The following TCF12 variants were observed in gnomAD, a reference collection of about 807,000 sequenced individuals.
TCF12 encodes transcription factor 12, also known as DNA-binding protein HTF4.
Under a neutral mutation model 86.0 loss-of-function variants are expected in TCF12, and 45 were observed. The ratio of observed to expected loss-of-function variants is 0.52; its 90% CI spans 0.41 to 0.67. The LOEUF (loss-of-function observed/expected upper bound fraction) is 0.67. Ranked by LOEUF, TCF12 falls within the 30% of genes least tolerant of loss-of-function variation. TCF12 has a pLI of 0.00. For missense variants in TCF12, 881 were observed against 859.9 expected (o/e 1.02, Z -0.31); for synonymous variants, 330 against 299.6 (o/e 1.10, Z -1.05).
chr15:57,128,466 C>A (rs2051845843), intron 5 of TCF12, among the ~76,000 whole-genome samples: 1 of 152,168 alleles, frequency 6.6e-6, no homozygotes, highest in Non-Finnish European at 1.5e-5. Flanking sequence ...ATTTAGAATT[C>A]AGTGGGGTTT....
At chr15:57,110,702 G>T (rs2050430051) in intron 5 of TCF12, among the ~76,000 whole-genome samples, 1 of 152,050 alleles carries the variant, frequency 6.6e-6, no homozygotes, top group African/African-American at 2.4e-5. Context: ...GGTTGCTTGG[G>T]CTGGCCCTAG....
chr15:57,128,841 GTGTTA>G (rs2051880776), intron 5 of TCF12, among the ~76,000 whole-genome samples: 2 of 152,158 alleles, frequency 1.3e-5, no homozygotes, highest in South Asian at 4.1e-4. Flanking sequence ...GGATTCATCT[GTGTTA>G]TGTTACATAA....
At chr15:56,922,866 T>A (rs2059851936) in intron 3 of TCF12, among the ~76,000 whole-genome samples, 1 of 151,978 alleles carries the variant, frequency 6.6e-6, no homozygotes, top group African/African-American at 2.4e-5. Flanking sequence ...GGCCAGTTCT[T>A]AAAGGGAATG....
chr15:56,989,705 TAGTAA>T (rs1479552550), intron 3 of TCF12, among the ~76,000 whole-genome samples: 1 of 152,174 alleles, frequency 6.6e-6, no homozygotes, highest in African/African-American at 2.4e-5. Context: ...GACCTTGACT[TAGTAA>T]AGTATAGTAC....
At chr15:57,068,683 G>A (rs2069113788) in intron 4 of TCF12, among the ~76,000 whole-genome samples, 1 of 152,110 alleles carries the variant, frequency 6.6e-6, no homozygotes, top group Non-Finnish European at 1.5e-5. Flanking sequence ...AGGCTGGGAG[G>A]TTGAGGAAGG....
intron 5 of TCF12, among the ~76,000 whole-genome samples, chr15:57,096,118 A>G (rs545917870): frequency 3.0e-4 from 46 of 152,310 alleles, no homozygotes; most frequent in Non-Finnish European, 5.7e-4. Flanking sequence ...TTCTTAAACC[A>G]TGATTATGGA....
At chr15:57,125,680 A>C (rs1388239686) in intron 5 of TCF12, among the ~76,000 whole-genome samples, 1 of 152,232 alleles carries the variant, frequency 6.6e-6, no homozygotes, top group Non-Finnish European at 1.5e-5. Flanking sequence ...TTTAACATTA[A>C]TACTTGTGTT....
At position 57,287,420 on chromosome 15, in the gene TCF12, T is replaced by G. The variant is rs2061967921; in HGVS notation, c.*1275T>G. On this transcript the variant is annotated 3_prime_UTR_variant, in exon 21 of 21. Transcript: ENST00000333725. ...GGGTGATTTAATCAACTGCAAACCA[T>G]CTGCCCCTGTCCCAAAATGATGAGC... The G allele has an allele frequency of 6.5e-6, 1 of 152,708 alleles. No individual in the cohort carries two copies. The highest frequency in any genetic ancestry group is 1.5e-5 in the Non-Finnish European group (1 of 68,096). 9.5% of individuals were successfully genotyped at this position (152,708 alleles called of 1,614,324 possible). A position where few individuals can be genotyped will look rare whatever the true frequency, so the allele number is the denominator to read the frequency against.
intron 5 of TCF12, among the ~76,000 whole-genome samples, chr15:57,099,175 AAGC>A (rs1270926412): frequency 1.3e-5 from 2 of 152,186 alleles, no homozygotes; most frequent in Non-Finnish European, 2.9e-5. Flanking sequence ...ACAGCCTAAA[AAGC>A]AGTTCTCTTT....
At chr15:57,024,875 G>C (rs1247086674) in intron 3 of TCF12, among the ~76,000 whole-genome samples, 4 of 152,202 alleles carry the variant, frequency 2.6e-5, no homozygotes, top group African/African-American at 9.7e-5. Flanking sequence ...CTTCAAGCTA[G>C]AAGGCTGAGG....
chr15:57,085,967 C>G (rs547456903), intron 4 of TCF12, among the ~76,000 whole-genome samples: 1 of 152,074 alleles, frequency 6.6e-6, no homozygotes, highest in Admixed American at 6.6e-5. Flanking sequence ...TACCACCTTT[C>G]TTTCTGATAG....
intron 18 of TCF12, among the ~76,000 whole-genome samples, chr15:57,264,940 G>A (rs2060780763): frequency 6.6e-6 from 1 of 151,938 alleles, no homozygotes; most frequent in South Asian, 2.1e-4. Context: ...ATGTTGGCCA[G>A]GCTGGTCTCG....
intron 3 of TCF12, among the ~76,000 whole-genome samples, chr15:56,926,842 TA>T: frequency 6.6e-6 from 1 of 152,320 alleles, no homozygotes; most frequent in African/African-American, 2.4e-5. Flanking sequence ...ATAAGGTTGT[TA>T]GGAGTGTTCA....
At chr15:57,111,684 C>G (rs1041721144) in intron 5 of TCF12, among the ~76,000 whole-genome samples, 1 of 151,082 alleles carries the variant, frequency 6.6e-6, no homozygotes, top group Non-Finnish European at 1.5e-5. Flanking sequence ...CTCTGCCTAC[C>G]GGGCTCAAGT....
chr15:56,926,312 C>CGA (rs1555447727), intron 3 of TCF12, among the ~76,000 whole-genome samples: 7 of 127,460 alleles, frequency 5.5e-5, no homozygotes, highest in Non-Finnish European at 8.6e-5. Context: ...GACTCTGTCT[C>CGA]AAAAAAAAAA....
At chr15:57,174,708 T>A (rs2055781505) in intron 6 of TCF12, among the ~76,000 whole-genome samples, 1 of 152,190 alleles carries the variant, frequency 6.6e-6, no homozygotes, top group African/African-American at 2.4e-5. Flanking sequence ...ATCTAAAAAA[T>A]TAATTGTATT....
intron 3 of TCF12, among the ~76,000 whole-genome samples, chr15:57,051,225 G>A (rs545529447): frequency 6.6e-6 from 1 of 152,280 alleles, no homozygotes; most frequent in Non-Finnish European, 1.5e-5. Context: ...AGCCTTTCTA[G>A]TTAGTCTCTG....
intron 11 of TCF12, 116 bp from the exon 12 acceptor site, chr15:57,233,927 G>C (rs2059275540): frequency 8.9e-6 from 7 of 785,720 alleles, no homozygotes; most frequent in Middle Eastern, 2.7e-4. Flanking sequence ...GTATTTCCTA[G>C]TTTACTGTAA....
At chr15:57,050,188 T>C (rs922845897) in intron 3 of TCF12, among the ~76,000 whole-genome samples, 4 of 152,238 alleles carry the variant, frequency 2.6e-5, no homozygotes, top group Admixed American at 2.0e-4. Context: ...AACAATCACG[T>C]GCATTTTAAA....
Sources: allele counts gnomAD v4.1 joint callset (sites outside exome capture counted in the v4.1 genomes callset), GRCh38; gene constraint gnomAD v4.1.1; transcripts MANE v1.5; gene names NCBI Gene and HGNC (gene_info 2026-07-23, HGNC 2026-07-21).